The following VXN variants were observed in gnomAD, a reference collection of about 807,000 sequenced individuals.
The protein encoded by VXN is vexin, also known as uncharacterized protein C8orf46.
In VXN, 7 loss-of-function variants were observed where a neutral mutation model predicts 23.1. The observed-to-expected ratio is 0.30, with a 90% confidence interval of 0.17 to 0.57. The LOEUF (loss-of-function observed/expected upper bound fraction) is 0.57, where lower values mean the gene tolerates loss of function less well. Among genes scored for constraint, VXN ranks in the 20% least tolerant of loss-of-function variants. The pLI is 0.91. For missense variants in VXN, 238 were observed against 272.6 expected, an observed-to-expected ratio of 0.87 and a Z score of 0.89; for synonymous variants, 120 against 105.8, an observed-to-expected ratio of 1.13 and a Z score of -0.83.
At chr8:66,508,784 A>G (rs1179431791) in intron 3 of VXN, among the ~76,000 whole-genome samples, 4 of 152,176 alleles carry the variant, frequency 2.6e-5, no homozygotes, top group Non-Finnish European at 4.4e-5. Context: ...TTGACTAGAA[A>G]GTGCGGACTA....
chr8:66,500,943 A>G (rs1018896205), intron 2 of VXN, among the ~76,000 whole-genome samples: 1 of 139,632 alleles, frequency 7.2e-6, no homozygotes, highest in Non-Finnish European at 1.5e-5. Context: ...GCGTGATCTC[A>G]GCTCACTGCA....
At chr8:66,508,713 C>T (rs1292760034) in intron 3 of VXN, among the ~76,000 whole-genome samples, 1 of 152,204 alleles carries the variant, frequency 6.6e-6, no homozygotes, top group African/African-American at 2.4e-5. Context: ...GTTTGCTACT[C>T]CCTAAATCAC....
At chr8:66,514,866 C>T (rs1807868267) in intron 5 of VXN, among the ~76,000 whole-genome samples, 1 of 152,216 alleles carries the variant, frequency 6.6e-6, no homozygotes, top group Non-Finnish European at 1.5e-5. Flanking sequence ...CCAGACTACA[C>T]TGTCAGCCTG....
At chr8:66,515,026 C>CA (rs1359756858) in intron 5 of VXN, among the ~76,000 whole-genome samples, 2 of 152,032 alleles carry the variant, frequency 1.3e-5, no homozygotes, top group Non-Finnish European at 2.9e-5. Flanking sequence ...AGAAAACAAA[C>CA]AAAAAAATTT....
chr8:66,510,184 T>C, intron 4 of VXN, 27 bp downstream of exon 4: 1 of 1,576,212 alleles, frequency 6.3e-7, no homozygotes, highest in Non-Finnish European at 8.7e-7. Context: ...TGCTTAGTTG[T>C]ATCTGTTGTG....
chr8:66,509,847 GAT>G (rs3832591), intron 3 of VXN, among the ~76,000 whole-genome samples: 4,085 of 151,982 alleles, frequency 0.027, 135 homozygotes, highest in Admixed American at 0.098. Context: ...CCACCAGAGG[GAT>G]ATGTTTGTGA....
In VXN at chr8:66,493,684, C is replaced by G; in HGVS notation, c.36C>G (p.Asn12Lys). 6.2e-7 allele frequency: 1 copy of G among 1,613,486 alleles called. No homozygotes were observed. Among genetic ancestry groups the G allele is most frequent in the African/African-American group, 1.3e-5 (1 of 75,006 alleles). ...AGATTTACAGCTGCAGTGACGAGAA[C>G]ATAGAAGTTTTCACCACCGTGATTC... is the stretch of plus-strand genomic sequence containing the variant. ...MHQIYSCSDE[N>K]IEVFTTVIPS... The change falls in exon 1 of 6, where the codon AAC (asparagine) becomes AAG (lysine). Residue 12 changes from asparagine (N) to lysine (K), a missense_variant. Transcript: ENST00000305454.
chr8:66,506,506 C>T (rs530231488), intron 3 of VXN, among the ~76,000 whole-genome samples: 1 of 152,006 alleles, frequency 6.6e-6, no homozygotes, highest in South Asian at 2.1e-4. Context: ...CCTTTAATTG[C>T]TGGTTTAGGT....
intron 2 of VXN, 60 bp downstream of exon 2, chr8:66,496,552 G>GCTT: frequency 6.6e-7 from 1 of 1,507,556 alleles, no homozygotes; most frequent in Non-Finnish European, 9.2e-7. Context: ...GCAATGCCAG[G>GCTT]CTTCTTCTTC....
intron 3 of VXN, among the ~76,000 whole-genome samples, chr8:66,509,582 G>T (rs1807798669): frequency 6.6e-6 from 1 of 152,288 alleles, no homozygotes; most frequent in Non-Finnish European, 1.5e-5. Context: ...CAGCTATAAA[G>T]ACTTAATTCC....
chr8:66,499,748 G>A (rs1028075617), intron 2 of VXN, among the ~76,000 whole-genome samples: 13 of 151,746 alleles, frequency 8.6e-5, no homozygotes, highest in African/African-American at 2.7e-4. Context: ...TAGTAGAGAC[G>A]GAGTTTCACC....
rs148093813 is a variant in VXN, at chr8:66,499,543, G to T, written c.126+3051G>T. Among the ~76,000 whole-genome samples the T allele has an allele frequency of 4.0e-5, 6 of 151,222 alleles. No individual in the cohort carries two copies. The East Asian group carries it at 1.2e-3, about 30-fold the overall frequency. ...TGAGCCACTGTGCCCAGCCAGTTTT[G>T]TTTTTTTGTTTTTTGTTTGTTTGTT... On this transcript the variant is annotated intron_variant, in intron 2 of 5. Coordinates refer to ENST00000305454, the MANE Select transcript of VXN (RefSeq NM_152765.4).
At chr8:66,512,854 C>T (rs558992981) in intron 4 of VXN, among the ~76,000 whole-genome samples, 1 of 151,320 alleles carries the variant, frequency 6.6e-6, no homozygotes, top group Admixed American at 6.6e-5. Context: ...AGCAGAGCTA[C>T]TGACACACGG....
At position 66,516,076 on chromosome 8, in the gene VXN, A is replaced by C. The variant is rs1807891645; in HGVS notation, c.624A>C (p.Ter208TyrextTer2). ...CCAACAGCGCCTTTGAGGCCGACTA[A>C]AGGTGACCCTCTTCAAGTGCCCTGT... The part of the protein sequence containing the change: ...GATNSAFEAD[*>Y] The change falls in exon 6 of 6, where the codon TAA (stop) becomes TAC (tyrosine). Residue 208 changes from the stop codon to tyrosine (Y), a stop_lost. Coordinates refer to ENST00000305454, the MANE Select transcript of VXN (RefSeq NM_152765.4). 1.2e-6 allele frequency: 2 copies of C among 1,603,798 alleles called. No homozygotes were observed. Among genetic ancestry groups the C allele is most frequent in the African/African-American group, 2.7e-5 (2 of 74,624 alleles).
chr8:66,509,682 A>G (rs867499446), intron 3 of VXN, among the ~76,000 whole-genome samples: 52 of 152,346 alleles, frequency 3.4e-4, no homozygotes, highest in African/African-American at 1.2e-3. Context: ...ATGCAGACAC[A>G]GTGCTAAATG....
At chr8:66,506,869 G>A (rs567513170) in intron 3 of VXN, among the ~76,000 whole-genome samples, 2 of 113,412 alleles carry the variant, frequency 1.8e-5, no homozygotes, top group South Asian at 5.9e-4. Flanking sequence ...AATCTGCCTT[G>A]CAAATTAAGA....
chr8:66,514,747 A>C (rs754897773), intron 5 of VXN, among the ~76,000 whole-genome samples: 1 of 152,108 alleles, frequency 6.6e-6, no homozygotes. Context: ...TGAAAGAGAT[A>C]ATATGTGGAG....
chr8:66,504,932 G>A (rs1807732580), intron 2 of VXN, among the ~76,000 whole-genome samples: 1 of 152,254 alleles, frequency 6.6e-6, no homozygotes, highest in African/African-American at 2.4e-5. Context: ...CCAAAAAGTT[G>A]TCCTCTGCAT....
At chr8:66,495,456 A>T (rs1016012687) in intron 1 of VXN, among the ~76,000 whole-genome samples, 4 of 152,220 alleles carry the variant, frequency 2.6e-5, no homozygotes, top group African/African-American at 9.6e-5. Flanking sequence ...CCAGGATCAT[A>T]TGGGGAATAA....
Sources: allele counts gnomAD v4.1 joint callset (sites outside exome capture counted in the v4.1 genomes callset), GRCh38; gene constraint gnomAD v4.1.1; transcripts MANE v1.5; gene names NCBI Gene and HGNC (gene_info 2026-07-23, HGNC 2026-07-21).